The following ULK1 variants were observed in gnomAD, a reference collection of about 807,000 sequenced individuals.
ULK1 encodes unc-51 like autophagy activating kinase 1.
Under a neutral mutation model 117.5 loss-of-function variants are expected in ULK1, and 48 were observed. That is an observed-to-expected ratio of 0.41 (90% confidence interval 0.32 to 0.52). The LOEUF is 0.52. Among genes scored for constraint, ULK1 ranks in the 20% least tolerant of loss-of-function variants. The pLI is 0.29. For missense variants in ULK1, 1,387 were observed against 1,473.4 expected, an observed-to-expected ratio of 0.94 and a Z score of 0.96; for synonymous variants, 790 against 637.8, an observed-to-expected ratio of 1.24 and a Z score of -3.60.
chr12:131,922,491 T>C lies in ULK1; in HGVS notation c.*1130T>C, dbSNP rs946268988. 4.7e-5 allele frequency: 8 copies of C among 169,392 alleles called. No homozygotes were observed. Among genetic ancestry groups the C allele is most frequent in the Non-Finnish European group, 1.0e-4 (8 of 78,232 alleles). 10.5% of individuals were successfully genotyped at this position (169,392 alleles called of 1,614,324 possible). ...TGTCAGCTCCTCGGCAGGGTAGGCC[T>C]GATGACAGCCCTGTCCCTCCCTGCC... On this transcript the variant is annotated 3_prime_UTR_variant, in exon 28 of 28. Transcript: ENST00000321867.
rs140491730 is a variant in ULK1, at chr12:131,917,016, G to T, written c.2136G>T (p.Pro712=). The change falls in exon 21 of 28, where the codon CCG becomes CCT. Residue 712 remains proline (P), a synonymous_variant. Transcript: ENST00000321867. ...AGGCGGCGTTTGGGACACAAGCCCC[G>T]GACCCGGGCAGCACGGAGAGCCTGC... ...LLKAAFGTQA[P]DPGSTESLQE... is the part of the protein sequence containing the mutation. The T allele has an allele frequency of 3.1e-6, 5 of 1,609,622 alleles. No homozygotes were observed. Among genetic ancestry groups the T allele is most frequent in the South Asian group, 2.2e-5 (2 of 90,940 alleles).
rs188747784 is a variant in ULK1 at position 131,902,418 on chromosome 12, C to A, written c.247-4474C>A. On this transcript the variant is annotated intron_variant, in intron 3 of 27. Coordinates refer to ENST00000321867, the MANE Select transcript of ULK1 (RefSeq NM_003565.4). This position sits in a 1 kb window ranked among gnomAD's most constrained non-coding sequence, Gnocchi z 6.3. The stretch of plus-strand genomic sequence containing the variant: ...GGGCAGCCTCCTACGTGCCCAGACA[C>A]CCGTGCCAGGCTGCCTGGGACACCT... 3.3e-5 allele frequency among the ~76,000 whole-genome samples: 5 copies of A among 152,254 alleles called. No homozygotes were observed. Among genetic ancestry groups the A allele is most frequent in the African/African-American group, 1.2e-4 (5 of 41,530 alleles).
At chr12:131,920,943 C>T in intron 26 of ULK1, 157 bp from the exon 27 acceptor site, 1 of 1,050,432 alleles carries the variant, frequency 9.5e-7, no homozygotes, top group Non-Finnish European at 1.3e-6. Flanking sequence ...TGTGACCATC[C>T]CCTCTGCACA....
intron 12 of ULK1, 58 bp downstream of exon 12, chr12:131,910,858 C>T: frequency 1.2e-6 from 2 of 1,605,348 alleles, no homozygotes; most frequent in Non-Finnish European, 1.7e-6. Context: ...GTCAGGGGCT[C>T]CAGCCCTGGG....
chr12:131,921,258 G>GGCTGGGT, intron 27 of ULK1, 23 bp downstream of exon 27: 1 of 1,608,148 alleles, frequency 6.2e-7, no homozygotes, highest in Non-Finnish European at 8.5e-7. Context: ...CTGGGCTGGG[G>GGCTGGGT]GCTGGGGACT....
rs559468991 is a variant in ULK1, at chr12:131,910,726, G to A, written c.874G>A (p.Val292Met). ...PSVRKSPPVPVPSYPSSGSGS... is the reference protein window; with the variant it reads ...PSVRKSPPVPMPSYPSSGSGS... ...GTTTATCTCAGCCCCACCCGTGCCT[G>A]TGCCCTCGTACCCAAGCTCGGGGTC... Residue 292 changes from valine (V) to methionine (M), a missense_variant, in exon 12 of 28, where the codon GTG becomes ATG. Val to Met is a conservative substitution (Grantham distance 21). Transcript: ENST00000321867. The A allele has an allele frequency of 5.6e-6, 9 of 1,613,110 alleles. No homozygotes were observed. In the East Asian group the frequency reaches 1.8e-4, roughly 32 times the overall value.
chr12:131,921,609 C>A lies in ULK1; in HGVS notation c.*248C>A, dbSNP rs1296546081. The A allele has an allele frequency of 1.6e-6, 1 of 641,562 alleles. No individual in the cohort carries two copies. Among genetic ancestry groups the A allele is most frequent in the Non-Finnish European group, 2.7e-6 (1 of 371,308 alleles). The allele number at this position is 641,562 out of a possible 1,614,324, so 39.7% of individuals were successfully genotyped here. A position where few individuals can be genotyped will look rare whatever the true frequency, so the allele number is the denominator to read the frequency against. On this transcript the variant is annotated 3_prime_UTR_variant, in exon 28 of 28. Transcript: ENST00000321867. ...TGGGGATCACAGAATTTCTGCCCCT[C>A]CAGCTGCCTGGCTCAGCAGGCGTGG...
rs750142741 is a variant in ULK1 at position 131,895,808 on chromosome 12, C to T, written c.230C>T (p.Ala77Val). 10 of 1,614,052 alleles carry T rather than the reference C, an allele frequency of 6.2e-6. No homozygotes were observed. The highest frequency in any genetic ancestry group is 6.8e-6 in the Non-Finnish European group (8 of 1,180,020). ...LKELKHENIVALYDFQEMANS... is the reference protein window; with the variant it reads ...LKELKHENIVVLYDFQEMANS... ...GAACTGAAACATGAAAACATCGTGG[C>T]CCTGTACGACTTCCAGGTAAGGCCT... The change falls in exon 3 of 28, where the codon GCC becomes GTC. Residue 77 changes from alanine to valine, a missense_variant. By Grantham distance (64) the Ala-to-Val change is moderately conservative (BLOSUM62 0). Transcript: ENST00000321867.
chr12:131,904,595 G>C (rs576464175), intron 3 of ULK1, among the ~76,000 whole-genome samples: 1 of 152,342 alleles, frequency 6.6e-6, no homozygotes, highest in South Asian at 2.1e-4. Context: ...GGGATGGGGT[G>C]CTGGGCTCCT....
Position 131,911,941 on chromosome 12 carries a change from G to A in ULK1, c.949-1G>A. On this transcript the variant is annotated splice_acceptor_variant, in intron 12 of 27. Coordinates refer to ENST00000321867, the MANE Select transcript of ULK1 (RefSeq NM_003565.4). LOFTEE classifies it high-confidence loss of function. ...TCACCAGCCCCTCCGTTGACTCTCA[G>A]TCCCTGGGCGAGATGCAGCAGCTGC... 2 of 1,612,804 alleles carry A rather than the reference G, an allele frequency of 1.2e-6. No individual in the cohort carries two copies. The highest frequency in any genetic ancestry group is 2.2e-5 in the South Asian group (2 of 91,082).
chr12:131,918,172 T>C, intron 22 of ULK1: 2 of 437,442 alleles, frequency 4.6e-6, no homozygotes, highest in Non-Finnish European at 4.1e-6. Flanking sequence ...GCCACGCACC[T>C]ACCCCATTCC....
In ULK1 at chr12:131,921,471, C is replaced by T. The variant is rs533755093; in HGVS notation, c.*110C>T. 5.9e-6 allele frequency: 9 copies of T among 1,521,818 alleles called. No homozygotes were observed. The South Asian group carries it at 9.1e-5, about 15-fold the overall frequency. The allele number at this position is 1,521,818 out of a possible 1,614,324, so 94.3% of individuals were successfully genotyped here. Reference sequence around the variant, plus strand: ...CATGGCGCTGATCGCTGGTGCTGAGCCCTGCCCTGGGCCCCACGGACAGTC... The same window carrying T: ...CATGGCGCTGATCGCTGGTGCTGAGTCCTGCCCTGGGCCCCACGGACAGTC... On this transcript the variant is annotated 3_prime_UTR_variant, in exon 28 of 28. Coordinates refer to ENST00000321867, the MANE Select transcript of ULK1 (RefSeq NM_003565.4).
Position 131,913,255 on chromosome 12 carries a change from G to A in ULK1, c.1154G>A (p.Ser385Asn). 6.3e-7 allele frequency: 1 copy of A among 1,587,280 alleles called. No homozygotes were observed. The change falls in exon 14 of 28, where the codon AGT becomes AAT. Residue 385 changes from serine to asparagine, a missense_variant. Ser to Asn is a conservative substitution (Grantham distance 46, BLOSUM62 1). Around this residue, in one of 4 missense-constraint regions of ULK1, gnomAD observed 260 missense variants for 271.6 expected, o/e 0.96. Coordinates refer to ENST00000321867, the MANE Select transcript of ULK1 (RefSeq NM_003565.4). The part of the protein sequence containing the change: ...AKPPPDSLMC[S>N]GSSLVASAGL... ...CCCCCGCCAGACAGCCTGATGTGCA[G>A]TGGGTGAGCCCCCATCCCTTACCTC...
At chr12:131,918,461 G>A (rs1036476159) in intron 22 of ULK1, 36 bp from the exon 23 acceptor site, 2 of 1,590,834 alleles carry the variant, frequency 1.3e-6, no homozygotes, top group African/African-American at 2.7e-5. Context: ...GGTGTCTGCT[G>A]GTCCTGGTGT....
At position 131,918,516 on chromosome 12, in the gene ULK1, C is replaced by T. The variant is rs1889961162; in HGVS notation, c.2346C>T (p.Ala782=). The change falls in exon 23 of 28, where the codon GCC becomes GCT. Residue 782 remains alanine, a synonymous_variant. Transcript: ENST00000321867. ...CTGCAGCGGGCCCCACTGGCTCTGC[C>T]AGCTCTTCTGCCCGCCACCTGGTGC... The part of the protein sequence containing the change: ...RMFSAGPTGS[A]SSSARHLVPG... The T allele has an allele frequency of 6.2e-7, 1 of 1,610,514 alleles. No homozygotes were observed. The highest frequency in any genetic ancestry group is 2.2e-5 in the East Asian group (1 of 44,820).
rs1168254537 is a variant in ULK1, at chr12:131,909,899, C to G, written c.726-20C>G. ...TCCGGCCCCGCAGGCCCTGCTCACA[C>G]CAGCCTCCTCTTGCCCCAGCATCCC... On this transcript the variant is annotated intron_variant, in intron 9 of 27. Transcript: ENST00000321867. The G allele has an allele frequency of 6.8e-6, 11 of 1,611,538 alleles. No individual in the cohort carries two copies. Among genetic ancestry groups the G allele is most frequent in the South Asian group, 4.4e-5 (4 of 90,978 alleles).
chr12:131,910,678 A>G (rs1007911075), intron 11 of ULK1, 34 bp from the exon 12 acceptor site: 2 of 1,612,932 alleles, frequency 1.2e-6, no homozygotes, highest in Non-Finnish European at 1.7e-6. Flanking sequence ...AGACAGGAGG[A>G]TGGCCCAGAC....
intron 22 of ULK1, 100 bp from the exon 23 acceptor site, chr12:131,918,397 A>T: frequency 7.2e-7 from 1 of 1,392,492 alleles, no homozygotes; most frequent in Non-Finnish European, 9.7e-7. Context: ...ACCGAGGCAG[A>T]GGCACATTGG....
At chr12:131,920,280 C>T in intron 26 of ULK1, 144 bp downstream of exon 26, 1 of 1,110,352 alleles carries the variant, frequency 9.0e-7, no homozygotes, top group South Asian at 1.6e-5. Context: ...CAGCATTATG[C>T]ACCCCCAGCC....
Sources: allele counts gnomAD v4.1 joint callset (sites outside exome capture counted in the v4.1 genomes callset), GRCh38; gene constraint gnomAD v4.1.1; regional missense constraint gnomAD v4.1.1; non-coding constraint Gnocchi (gnomAD v3.1); transcripts MANE v1.5; gene names NCBI Gene and HGNC (gene_info 2026-07-23, HGNC 2026-07-21).